Variants in ARID1A observed in about 807,000 individuals in gnomAD.
ARID1A encodes the protein AT-rich interaction domain 1A.
In ARID1A, 20 loss-of-function variants were observed where a neutral mutation model predicts 212.6. The ratio of observed to expected loss-of-function variants is 0.09; its 90% CI spans 0.07 to 0.14. ARID1A has a LOEUF of 0.14. ARID1A is among the 10% of genes least tolerant of loss of function. The pLI is 1.00. For missense variants in ARID1A, 2,587 were observed against 3,059.0 expected, an observed-to-expected ratio of 0.85 and a Z score of 3.64; for synonymous variants, 1,376 against 1,222.1, an observed-to-expected ratio of 1.13 and a Z score of -2.63.
rs1438403065 is a variant in ARID1A, at chr1:26,780,163, C to G, written c.6265C>G (p.Leu2089Val). The change falls in exon 20 of 20, where the codon CTA becomes GTA. Residue 2089 changes from leucine to valine, a missense_variant. Physicochemically the swap from Leu to Val is conservative, Grantham distance 32. Transcript: ENST00000324856. The surrounding 1 kb of genome is among the most constrained non-coding windows in gnomAD (Gnocchi z 7.2). Reference sequence around the variant, plus strand: ...TTGCCTGCCTGTCCTGGACGGACTCCTACACTGGGCAGTTTGCCCTTCAGC... The same window carrying G: ...TTGCCTGCCTGTCCTGGACGGACTCGTACACTGGGCAGTTTGCCCTTCAGC... ...SICLPVLDGL[L>V]HWAVCPSAEA... 6.2e-7 allele frequency: 1 copy of G among 1,614,162 alleles called. No individual in the cohort carries two copies. The highest frequency in any genetic ancestry group is 8.5e-7 in the Non-Finnish European group (1 of 1,180,022).
chr1:26,698,464 G>GT (rs372219989), intron 1 of ARID1A, among the ~76,000 whole-genome samples: 49 of 152,300 alleles, frequency 3.2e-4, no homozygotes, highest in African/African-American at 1.2e-3. Context: ...GAGGAGGGAG[G>GT]TTTAAGTAGC....
chr1:26,768,348 T>G (rs951801191), intron 11 of ARID1A, among the ~76,000 whole-genome samples: 1 of 152,266 alleles, frequency 6.6e-6, no homozygotes, highest in African/African-American at 2.4e-5. Context: ...GAATCCCTTC[T>G]TGGCCACTTA....
At chr1:26,719,177 A>T (rs1187321686) in intron 1 of ARID1A, among the ~76,000 whole-genome samples, 2 of 152,170 alleles carry the variant, frequency 1.3e-5, no homozygotes, top group Non-Finnish European at 2.9e-5. Flanking sequence ...TTTGTTTTGT[A>T]TACATATCTC....
At chr1:26,712,912 T>G (rs1031191554) in intron 1 of ARID1A, among the ~76,000 whole-genome samples, 4 of 152,238 alleles carry the variant, frequency 2.6e-5, no homozygotes, top group African/African-American at 9.6e-5. Flanking sequence ...GAACCAGTGT[T>G]CTAATTCATT....
rs1008281064 is a variant in ARID1A at position 26,762,137 on chromosome 1, G to A, written c.2252-15G>A. On this transcript the variant is annotated splice_polypyrimidine_tract_variant and intron_variant, in intron 6 of 19. Coordinates refer to ENST00000324856, the MANE Select transcript of ARID1A (RefSeq NM_006015.6). ...GTATAAAGCTAATAACTATATGGAT[G>A]CTACCCACAAATAGGTTATATGCAG... is the stretch of plus-strand genomic sequence containing the variant. 3.7e-6 allele frequency: 6 copies of A among 1,606,300 alleles called. No homozygotes were observed. The African/African-American group carries it at 8.0e-5, about 22-fold the overall frequency.
Position 26,774,545 on chromosome 1 carries a change from A to G in ARID1A, c.4318A>G (p.Thr1440Ala), listed in dbSNP as rs2124118502. 1 of 1,614,142 alleles carries G rather than the reference A, an allele frequency of 6.2e-7. No individual in the cohort carries two copies. The highest frequency in any genetic ancestry group is 8.5e-7 in the Non-Finnish European group (1 of 1,180,010). The part of the protein sequence containing the change: ...QYGNAYPATA[T>A]AATERRPAGG... ...TGGCAATGCCTATCCTGCCACTGCC[A>G]CAGCTGCTACTGAGCGCCGACCAGC... is the stretch of plus-strand genomic sequence containing the variant. Residue 1440 changes from threonine to alanine, a missense_variant, in exon 18 of 20, where the codon ACA (threonine) becomes GCA (alanine). Physicochemically the swap from Thr to Ala is moderately conservative, Grantham distance 58 (BLOSUM62 0). Transcript: ENST00000324856. The surrounding 1 kb of genome is among the most constrained non-coding windows in gnomAD (Gnocchi z 5.6).
In ARID1A at chr1:26,773,664, G is replaced by A. The variant is rs2124113281; in HGVS notation, c.3951G>A (p.Gly1317=). 1 of 1,614,120 alleles carries A rather than the reference G, an allele frequency of 6.2e-7. No individual in the cohort carries two copies. Residue 1317 remains glycine, a synonymous_variant, in exon 16 of 20, where the codon GGG becomes GGA. Coordinates refer to ENST00000324856, the MANE Select transcript of ARID1A (RefSeq NM_006015.6). ...TCATGCCTTCCAACCCAGACTCGGG[G>A]ATGTATTCTCCTAGCCGCTACCCCC... ...PNLMPSNPDS[G]MYSPSRYPPQ...
rs1557568922 is a variant in ARID1A at position 26,696,419 on chromosome 1, G to GC, written c.21dup (p.Ala8ArgfsTer103). On this transcript the variant is annotated frameshift_variant, in exon 1 of 20. Coordinates refer to ENST00000324856, the MANE Select transcript of ARID1A (RefSeq NM_006015.6). LOFTEE classifies it high-confidence loss of function. ...AGCGGGGATCATGGCCGCGCAGGTC[G>GC]CCCCCGCCGCCGCCAGCAGCCTGGG... The GC allele has an allele frequency of 3.9e-6, 5 of 1,284,196 alleles. No individual in the cohort carries two copies. The highest frequency in any genetic ancestry group is 4.7e-5 in the South Asian group (2 of 42,736). The allele number at this position is 1,284,196 out of a possible 1,614,324, so 79.6% of individuals were successfully genotyped here. A position where few individuals can be genotyped will look rare whatever the true frequency, so the allele number is the denominator to read the frequency against.
At chr1:26,708,785 C>T (rs986581134) in intron 1 of ARID1A, among the ~76,000 whole-genome samples, 3 of 151,844 alleles carry the variant, frequency 2.0e-5, no homozygotes, top group African/African-American at 4.8e-5. Flanking sequence ...AGCTCCGTCT[C>T]CTGGGTTCAC....
intron 4 of ARID1A, among the ~76,000 whole-genome samples, chr1:26,734,192 CTCA>C (rs1361528906): frequency 6.6e-6 from 1 of 152,162 alleles, no homozygotes; most frequent in Admixed American, 6.5e-5. Context: ...TAACCACTCC[CTCA>C]TCATCTGTGG....
In ARID1A at chr1:26,696,168, C is replaced by T; in HGVS notation, c.-236C>T. On this transcript the variant is annotated 5_prime_UTR_variant, in exon 1 of 20. Transcript: ENST00000324856. ...GCCTACAGAGCCGGGAGCAGCTGAG[C>T]CGCCGGCGCCTCGGCCGCCGCCGCC... The T allele has an allele frequency of 1.8e-6, 1 of 542,572 alleles. No homozygotes were observed. The highest frequency in any genetic ancestry group is 2.6e-6 in the Non-Finnish European group (1 of 388,496). The allele number at this position is 542,572 out of a possible 1,614,324, so 33.6% of individuals were successfully genotyped here. A position where few individuals can be genotyped will look rare whatever the true frequency, so the allele number is the denominator to read the frequency against.
chr1:26,706,082 G>A (rs2080389277), intron 1 of ARID1A, among the ~76,000 whole-genome samples: 1 of 152,198 alleles, frequency 6.6e-6, no homozygotes, highest in Non-Finnish European at 1.5e-5. Context: ...TGGGTACTGA[G>A]CTAAGTGCTC....
Position 26,772,288 on chromosome 1 carries a change from T to C in ARID1A, c.3407-212T>C, listed in dbSNP as rs1186678975. The C allele has an allele frequency of 2.0e-5, 13 of 651,144 alleles. No homozygotes were observed. In the Admixed American group the frequency reaches 3.9e-4, roughly 19 times the overall value. The allele number at this position is 651,144 out of a possible 1,614,324, so 40.3% of individuals were successfully genotyped here. A position where few individuals can be genotyped will look rare whatever the true frequency, so the allele number is the denominator to read the frequency against. On this transcript the variant is annotated intron_variant, in intron 12 of 19. Transcript: ENST00000324856. ...TGTCATGGCCACATCACTCCTCTTT[T>C]CTACACGTAAAACAAAAACAAAGAG...
intron 1 of ARID1A, among the ~76,000 whole-genome samples, chr1:26,726,164 G>GTTTTTT (rs1384858724): frequency 8.2e-6 from 1 of 122,348 alleles, no homozygotes; most frequent in African/African-American, 3.1e-5. Flanking sequence ...CCTTGGGTTT[G>GTTTTTT]TTTTTTTTTG....
At chr1:26,752,251 C>T (rs2080891405) in intron 4 of ARID1A, among the ~76,000 whole-genome samples, 2 of 152,278 alleles carry the variant, frequency 1.3e-5, no homozygotes, top group Middle Eastern at 3.4e-3. Flanking sequence ...TCTTTCTTGG[C>T]ATTTCAGTTA....
chr1:26,759,541 C>T (rs376483298), intron 4 of ARID1A, among the ~76,000 whole-genome samples: 2 of 152,146 alleles, frequency 1.3e-5, no homozygotes, highest in African/African-American at 4.8e-5. Context: ...CTTTATTTAC[C>T]ATTTAAGTAT....
intron 2 of ARID1A, among the ~76,000 whole-genome samples, chr1:26,730,411 G>A (rs1014993431): frequency 2.0e-5 from 3 of 151,970 alleles, no homozygotes; most frequent in Admixed American, 2.0e-4. Context: ...TCTCTTTATT[G>A]TCATTTTTGT....
intron 1 of ARID1A, among the ~76,000 whole-genome samples, chr1:26,712,271 T>C (rs552817859): frequency 4.3e-4 from 65 of 152,328 alleles, no homozygotes; most frequent in South Asian, 8.3e-4. Flanking sequence ...GGTGATTTGG[T>C]GTTCTCACAG....
Position 26,696,697 on chromosome 1 carries a change from G to A in ARID1A, c.294G>A (p.Pro98=), listed in dbSNP as rs1329727602. Residue 98 remains proline, a synonymous_variant, in exon 1 of 20, where the codon CCG becomes CCA. Coordinates refer to ENST00000324856, the MANE Select transcript of ARID1A (RefSeq NM_006015.6). Reference sequence around the variant, plus strand: ...GCGGCGGCGGGCCCGGCGCGGAGCCGGACCTGAAGAACTCGAACGGGAACG... The same window carrying A: ...GCGGCGGCGGGCCCGGCGCGGAGCCAGACCTGAAGAACTCGAACGGGAACG... The part of the protein sequence containing the change: ...AGSGGGPGAE[P]DLKNSNGNAG... 7.4e-7 allele frequency: 1 copy of A among 1,347,110 alleles called. No homozygotes were observed. Among genetic ancestry groups the A allele is most frequent in the Non-Finnish European group, 9.5e-7 (1 of 1,049,142 alleles). The allele number at this position is 1,347,110 out of a possible 1,614,324, so 83.4% of individuals were successfully genotyped here.
Sources: gnomAD v4.1 joint callset for allele counts (sites outside exome capture counted in the v4.1 genomes callset) on GRCh38, gnomAD v4.1.1 for gene constraint, Gnocchi (gnomAD v3.1) non-coding constraint, MANE v1.5 for transcripts, NCBI Gene and HGNC (gene_info 2026-07-23, HGNC 2026-07-21) for gene names.